The following UBE2E1 variants were observed in gnomAD, a reference collection of about 807,000 sequenced individuals.
The protein encoded by UBE2E1 is ubiquitin-conjugating enzyme E2 E1.
A neutral mutation model predicts 21.4 loss-of-function variants in UBE2E1; 6 were observed. The ratio of observed to expected loss-of-function variants is 0.28; its 90% CI spans 0.15 to 0.55. UBE2E1 has a LOEUF of 0.55. Among genes scored for constraint, UBE2E1 ranks in the 20% least tolerant of loss-of-function variants. The pLI, the probability that UBE2E1 is intolerant of heterozygous loss-of-function variation, is 0.93. For synonymous variants in UBE2E1, 87 were observed against 82.7 expected (o/e 1.05, Z -0.28); for missense variants, 142 against 236.5 (o/e 0.60, Z 2.62).
chr3:23,826,338 T>G (rs1699759401), intron 3 of UBE2E1, among the ~76,000 whole-genome samples: 2 of 152,242 alleles, frequency 1.3e-5, no homozygotes, highest in African/African-American at 4.8e-5. Context: ...AATGCATACA[T>G]AATATTTAAA....
intron 3 of UBE2E1, among the ~76,000 whole-genome samples, chr3:23,858,207 A>G (rs1700480359): frequency 6.6e-6 from 1 of 152,240 alleles, no homozygotes; most frequent in Admixed American, 6.5e-5. Context: ...GAGGGCAGAC[A>G]TAGGGCTACT....
At chr3:23,850,530 T>A (rs113136861) in intron 3 of UBE2E1, among the ~76,000 whole-genome samples, 252 of 151,556 alleles carry the variant, frequency 1.7e-3, no homozygotes, top group African/African-American at 3.4e-3. Context: ...TATTATTATT[T>A]TTTTTTGAGA....
chr3:23,870,552 G>A lies in UBE2E1; in HGVS notation c.204-17015G>A, dbSNP rs1374367782. Among the ~76,000 whole-genome samples the A allele has an allele frequency of 1.3e-5, 2 of 152,154 alleles. No individual in the cohort carries two copies. Among genetic ancestry groups the A allele is most frequent in the Non-Finnish European group, 2.9e-5 (2 of 68,034 alleles). On this transcript the variant is annotated intron_variant, in intron 3 of 5. Coordinates refer to ENST00000306627, the MANE Select transcript of UBE2E1 (RefSeq NM_003341.5). The surrounding 1 kb of genome is among the most constrained non-coding windows in gnomAD (Gnocchi z 4.2). ...ACACCAGAATCCTAAGGGATGTGTTGGTGAGGCACTGACAGCTTCTGCTAT... is the reference window on the plus strand; with the variant it reads ...ACACCAGAATCCTAAGGGATGTGTTAGTGAGGCACTGACAGCTTCTGCTAT...
At chr3:23,861,890 T>G (rs989785050) in intron 3 of UBE2E1, among the ~76,000 whole-genome samples, 1 of 152,232 alleles carries the variant, frequency 6.6e-6, no homozygotes, top group Admixed American at 6.5e-5. Context: ...ATCCTATTCT[T>G]CTGGTATGCC....
chr3:23,821,419 C>A (rs78191745), intron 3 of UBE2E1, among the ~76,000 whole-genome samples: 5,130 of 152,252 alleles, frequency 0.034, 110 homozygotes, highest in Middle Eastern at 0.054. Context: ...ATTATGTAAA[C>A]CGTGCTAAGT....
Position 23,887,029 on chromosome 3 carries a change from A to G in UBE2E1, c.204-538A>G, listed in dbSNP as rs1169401159. ...TGAAATGAAAATTGAATAACCTGTA[A>G]CTGGATACTTACCATTCTCCTCCCA... On this transcript the variant is annotated intron_variant, in intron 3 of 5. Coordinates refer to ENST00000306627, the MANE Select transcript of UBE2E1 (RefSeq NM_003341.5). The surrounding 1 kb of genome is among the most constrained non-coding windows in gnomAD (Gnocchi z 4.4). Among the ~76,000 whole-genome samples the G allele has an allele frequency of 6.6e-6, 1 of 152,196 alleles. No individual in the cohort carries two copies. The highest frequency in any genetic ancestry group is 1.5e-5 in the Non-Finnish European group (1 of 68,040).
At chr3:23,861,944 G>C (rs557495227) in intron 3 of UBE2E1, among the ~76,000 whole-genome samples, 92 of 152,368 alleles carry the variant, frequency 6.0e-4, no homozygotes, top group African/African-American at 2.1e-3. Context: ...CATAAGGCAG[G>C]GGTCTAATTG....
intron 3 of UBE2E1, among the ~76,000 whole-genome samples, chr3:23,868,662 A>C (rs1235523404): frequency 6.6e-6 from 1 of 150,968 alleles, no homozygotes; most frequent in Non-Finnish European, 1.5e-5. Context: ...ATTAGATTCC[A>C]TCTCTTCTAC....
rs550726416 is a variant in UBE2E1 at position 23,876,738 on chromosome 3, A to G, written c.204-10829A>G. On this transcript the variant is annotated intron_variant, in intron 3 of 5. Coordinates refer to ENST00000306627, the MANE Select transcript of UBE2E1 (RefSeq NM_003341.5). This position sits in a 1 kb window ranked among gnomAD's most constrained non-coding sequence, Gnocchi z 4.3. The stretch of plus-strand genomic sequence containing the variant: ...AGACAAGGGAGGAGGGAGCTAAATA[A>G]TATTAATGGTAATTTAAATCTAGAA... Among the ~76,000 whole-genome samples the G allele has an allele frequency of 1.8e-4, 28 of 152,280 alleles. No individual in the cohort carries two copies. In the East Asian group the frequency reaches 4.8e-3, roughly 26 times the overall value.
intron 3 of UBE2E1, among the ~76,000 whole-genome samples, chr3:23,827,475 A>G (rs532859347): frequency 6.6e-6 from 1 of 152,356 alleles, no homozygotes; most frequent in Non-Finnish European, 1.5e-5. Flanking sequence ...AAGTATGTCA[A>G]TATGATTGTT....
chr3:23,886,389 C>T (rs992361469), intron 3 of UBE2E1, among the ~76,000 whole-genome samples: 3 of 152,130 alleles, frequency 2.0e-5, no homozygotes, highest in African/African-American at 4.8e-5. Flanking sequence ...GGACAGTGTC[C>T]GAGCTCTTTC....
intron 3 of UBE2E1, chr3:23,879,179 C>T: frequency 1.2e-6 from 1 of 805,330 alleles, no homozygotes; most frequent in Non-Finnish European, 2.0e-6. Context: ...TAGTTTCTTC[C>T]ATCCTTCCAC....
At position 23,889,739 on chromosome 3, in the gene UBE2E1, C is replaced by G. The variant is rs1559497353; in HGVS notation, c.484+480C>G. 4 of 985,054 alleles carry G rather than the reference C, an allele frequency of 4.1e-6. No individual in the cohort carries two copies. In the South Asian group the frequency reaches 1.9e-4, roughly 46 times the overall value. 61.0% of individuals were successfully genotyped at this position (985,054 alleles called of 1,614,324 possible). On this transcript the variant is annotated intron_variant, in intron 5 of 5. Transcript: ENST00000306627. ...CTATTGAATTGTGACTTTTTTGGGA[C>G]TTCATTTCATTTAAAAAATATTTTT...
At position 23,811,524 on chromosome 3, in the gene UBE2E1, C is replaced by T. The variant is rs1699392525; in HGVS notation, c.203+14C>T. On this transcript the variant is annotated intron_variant, in intron 3 of 5. Coordinates refer to ENST00000306627, the MANE Select transcript of UBE2E1 (RefSeq NM_003341.5). ...ACCTAATTGCAGGTGAGTTGCTTTT[C>T]GGATTTTTTCCATTTTTAAAATTCT... The T allele has an allele frequency of 4.3e-6, 7 of 1,613,274 alleles. No individual in the cohort carries two copies. The South Asian group carries it at 5.5e-5, about 13-fold the overall frequency.
chr3:23,820,478 C>A (rs1699622935), intron 3 of UBE2E1, among the ~76,000 whole-genome samples: 1 of 152,206 alleles, frequency 6.6e-6, no homozygotes, highest in South Asian at 2.1e-4. Context: ...GGAAATCTTA[C>A]AAAGCCAAAG....
At chr3:23,846,431 T>C (rs1700204617) in intron 3 of UBE2E1, among the ~76,000 whole-genome samples, 2 of 152,062 alleles carry the variant, frequency 1.3e-5, no homozygotes, top group South Asian at 4.2e-4. Flanking sequence ...GTGCAGTGGC[T>C]TGCACCTGTA....
chr3:23,852,372 C>G (rs1700344994), intron 3 of UBE2E1, among the ~76,000 whole-genome samples: 1 of 152,060 alleles, frequency 6.6e-6, no homozygotes, highest in Non-Finnish European at 1.5e-5. Context: ...TACTCAGATA[C>G]TATTGTAAAT....
At chr3:23,871,832 G>T (rs1304705966) in intron 3 of UBE2E1, among the ~76,000 whole-genome samples, 6 of 150,602 alleles carry the variant, frequency 4.0e-5, no homozygotes, top group Non-Finnish European at 8.8e-5. Flanking sequence ...GGGAAGAGGC[G>T]CTCCTCACTT....
intron 3 of UBE2E1, among the ~76,000 whole-genome samples, chr3:23,860,412 A>G (rs910928687): frequency 6.6e-6 from 1 of 152,238 alleles, no homozygotes; most frequent in Non-Finnish European, 1.5e-5. Context: ...GGAAGCGCAC[A>G]TTAACAAAAC....
Sources: allele counts gnomAD v4.1 joint callset (sites outside exome capture counted in the v4.1 genomes callset), GRCh38; gene constraint gnomAD v4.1.1; non-coding constraint Gnocchi (gnomAD v3.1); transcripts MANE v1.5; gene names NCBI Gene and HGNC (gene_info 2026-07-23, HGNC 2026-07-21).